The following SLC9B1 variants were observed in gnomAD, a reference collection of about 807,000 sequenced individuals.
SLC9B1 encodes the protein solute carrier family 9 member B1.
In SLC9B1, 32 loss-of-function variants were observed where a neutral mutation model predicts 51.7. That is an observed-to-expected ratio of 0.62 (90% CI 0.47 to 0.83). The LOEUF (loss-of-function observed/expected upper bound fraction) is 0.83, where lower values mean the gene tolerates loss of function less well. SLC9B1 is among the 40% of genes least tolerant of loss of function. The pLI, the probability that SLC9B1 is intolerant of heterozygous loss-of-function variation, is 0.00. For missense variants in SLC9B1, 406 were observed against 613.2 expected (o/e 0.66, Z 3.57); for synonymous variants, 145 against 212.7 (o/e 0.68, Z 2.77).
At chr4:103,008,624 C>T (rs1210714822) in intron 1 of SLC9B1, among the ~76,000 whole-genome samples, 1 of 151,904 alleles carries the variant, frequency 6.6e-6, no homozygotes, top group Non-Finnish European at 1.5e-5. Context: ...CTCAAGTGGT[C>T]CGCCAGCCTC....
At chr4:102,962,963 T>A (rs1738218203) in intron 3 of SLC9B1, 4 of 462,772 alleles carry the variant, frequency 8.6e-6, no homozygotes, top group African/African-American at 2.0e-5. Context: ...CTTTATGGAA[T>A]CCATCTTGAA....
intron 7 of SLC9B1, among the ~76,000 whole-genome samples, chr4:102,924,386 C>T (rs550399918): frequency 6.6e-5 from 10 of 152,292 alleles, no homozygotes; most frequent in African/African-American, 2.4e-4. Context: ...CCCTTCCTTA[C>T]ACTTTATATA....
chr4:102,899,583 T>C (rs1734696585), downstream of SLC9B1, among the ~76,000 whole-genome samples: 1 of 151,972 alleles, frequency 6.6e-6, no homozygotes. Context: ...CTGACAAATT[T>C]TTGTATTTTT....
chr4:102,970,813 G>A (rs1381464430), intron 3 of SLC9B1, among the ~76,000 whole-genome samples: 1 of 151,926 alleles, frequency 6.6e-6, no homozygotes, highest in Non-Finnish European at 1.5e-5. Context: ...AAAATGAAAA[G>A]CAAAAAATAG....
chr4:102,986,153 G>T (rs567823179), intron 3 of SLC9B1, among the ~76,000 whole-genome samples: 1 of 151,992 alleles, frequency 6.6e-6, no homozygotes, highest in South Asian at 2.1e-4. Flanking sequence ...AAGTCAACTG[G>T]CACAAAAGTT....
At chr4:102,925,707 A>AAAAAAG (rs1329589992) in intron 7 of SLC9B1, among the ~76,000 whole-genome samples, 2 of 151,602 alleles carry the variant, frequency 1.3e-5, no homozygotes, top group Non-Finnish European at 2.9e-5. Flanking sequence ...TCCAAAAAAA[A>AAAAAAG]AAAGAAAGAA....
Position 102,911,505 on chromosome 4 carries a change from T to A in SLC9B1, c.862A>T (p.Arg288Trp), listed in dbSNP as rs1429692973. ...GCCAGCAGACTAATACATACGTTCCTTATAGAGGCTATGGCGTTATTAAGT... is the reference window on the plus strand; with the variant it reads ...GCCAGCAGACTAATACATACGTTCCATATAGAGGCTATGGCGTTATTAAGT... ...GILNNAIASI[R>W]NVCISLLAGI... is the part of the protein sequence containing the mutation. The change falls in exon 8 of 12, where the codon AGG (arginine) becomes TGG (tryptophan). Residue 288 changes from arginine (R) to tryptophan (W), a missense_variant. Arg to Trp is a moderately radical substitution (Grantham distance 101). This residue lies in a region of SLC9B1 where 250 missense variants were observed against 394.1 expected (regional missense o/e 0.63). Transcript: ENST00000296422. 6.3e-7 allele frequency: 1 copy of A among 1,596,688 alleles called. No homozygotes were observed. Among genetic ancestry groups the A allele is most frequent in the East Asian group, 2.2e-5 (1 of 44,778 alleles).
chr4:102,926,591 TA>T, intron 7 of SLC9B1, among the ~76,000 whole-genome samples: 1 of 151,938 alleles, frequency 6.6e-6, no homozygotes, highest in South Asian at 2.1e-4. Context: ...CTCAACGAAA[TA>T]AAAGAGGACA....
chr4:102,929,644 C>G (rs1192668160), intron 7 of SLC9B1, among the ~76,000 whole-genome samples: 2 of 152,194 alleles, frequency 1.3e-5, no homozygotes, highest in East Asian at 3.8e-4. Flanking sequence ...CCTCAGCCCC[C>G]TGAGTAGCTG....
intron 8 of SLC9B1, among the ~76,000 whole-genome samples, chr4:102,911,129 G>A (rs1426837299): frequency 2.0e-5 from 3 of 152,266 alleles, no homozygotes; most frequent in South Asian, 2.1e-4. Context: ...AAATTTGGGG[G>A]AAATTATCAA....
intron 3 of SLC9B1, among the ~76,000 whole-genome samples, chr4:102,969,691 G>A (rs989917905): frequency 9.9e-5 from 15 of 152,282 alleles, no homozygotes; most frequent in Middle Eastern, 3.4e-3. Flanking sequence ...AAACTTCTCC[G>A]AGCCAAAGGA....
intron 7 of SLC9B1, among the ~76,000 whole-genome samples, chr4:102,924,138 A>T (rs1314901407): frequency 2.0e-5 from 3 of 152,156 alleles, no homozygotes; most frequent in Non-Finnish European, 4.4e-5. Flanking sequence ...GAGGCATCAC[A>T]CTACCTGACT....
At chr4:102,959,235 T>TATATATATAC (rs1005783670) in intron 3 of SLC9B1, among the ~76,000 whole-genome samples, 1 of 149,346 alleles carries the variant, frequency 6.7e-6, no homozygotes, top group African/African-American at 2.5e-5. Flanking sequence ...CATATATATA[T>TATATATATAC]ACACACACAC....
chr4:102,893,779 C>A (rs1434028997), intron 11 of SLC9B1, among the ~76,000 whole-genome samples: 1 of 151,994 alleles, frequency 6.6e-6, no homozygotes, highest in Non-Finnish European at 1.5e-5. Context: ...CAAAAATTAG[C>A]CTGGCATGGT....
intron 11 of SLC9B1, chr4:102,888,090 AACTG>A (rs962611900): frequency 3.3e-5 from 5 of 151,074 alleles, no homozygotes; most frequent in Non-Finnish European, 7.4e-5. Flanking sequence ...GTGTATTTTA[AACTG>A]ACTCAGTGAC....
At chr4:102,980,858 A>C (rs1739317675) in intron 3 of SLC9B1, among the ~76,000 whole-genome samples, 1 of 152,184 alleles carries the variant, frequency 6.6e-6, no homozygotes, top group Non-Finnish European at 1.5e-5. Context: ...ATGGTCACCC[A>C]AAGTTCAGAG....
At chr4:103,005,565 CAA>C in intron 1 of SLC9B1, among the ~76,000 whole-genome samples, 2 of 152,196 alleles carry the variant, frequency 1.3e-5, no homozygotes, top group East Asian at 3.9e-4. Context: ...AGAAAACTGA[CAA>C]AGATATTTGG....
In SLC9B1 at chr4:103,002,016, C is replaced by T. The variant is rs113643943; in HGVS notation, c.-1-10304G>A. Among the ~76,000 whole-genome samples the T allele has an allele frequency of 9.3e-3, 1,414 of 152,234 alleles. 15 individuals are homozygous for T. Among genetic ancestry groups the T allele is most frequent in the African/African-American group, 0.031 (1,278 of 41,552 alleles). On this transcript the variant is annotated intron_variant, in intron 1 of 11. Coordinates refer to ENST00000296422, the MANE Select transcript of SLC9B1 (RefSeq NM_139173.4). ...GAGAGAAGTGCAAGAAGGGAACAGG[C>T]CAAATGCTTATAAAATTATCAGATC...
chr4:103,017,567 C>T (rs1188923142), intron 1 of SLC9B1, among the ~76,000 whole-genome samples: 1 of 152,146 alleles, frequency 6.6e-6, no homozygotes, highest in African/African-American at 2.4e-5. Flanking sequence ...TCTTTCCTTC[C>T]TTAGGGCTCT....
Sources: gnomAD v4.1 joint callset for allele counts (sites outside exome capture counted in the v4.1 genomes callset) on GRCh38, gnomAD v4.1.1 for gene constraint, gnomAD v4.1.1 regional missense constraint, MANE v1.5 for transcripts, NCBI Gene and HGNC (gene_info 2026-07-23, HGNC 2026-07-21) for gene names.